Variants in SMYD5 observed in about 807,000 individuals in gnomAD.
SMYD5 encodes the protein SMYD family member 5.
Under a neutral mutation model 57.4 loss-of-function variants are expected in SMYD5, and 35 were observed. The ratio of observed to expected loss-of-function variants is 0.61; its 90% CI spans 0.47 to 0.81. The LOEUF (loss-of-function observed/expected upper bound fraction) is 0.81, where lower values mean the gene tolerates loss of function less well. Ranked by LOEUF, SMYD5 falls within the 30% of genes least tolerant of loss-of-function variation. The pLI is 0.00. For synonymous variants in SMYD5, 198 were observed against 189.7 expected (o/e 1.04, Z -0.36); for missense variants, 471 against 527.9 (o/e 0.89, Z 1.06).
In SMYD5 at chr2:73,219,871, C is replaced by T. The variant is rs942898936; in HGVS notation, c.206-180C>T. On this transcript the variant is annotated intron_variant, in intron 2 of 12. Coordinates refer to ENST00000389501, the MANE Select transcript of SMYD5 (RefSeq NM_006062.3). Reference sequence around the variant, plus strand: ...AGGGGATCATCTGCCTTGGGATGCACATGAAATAAATTCATTCATCCATTC... The same window carrying T: ...AGGGGATCATCTGCCTTGGGATGCATATGAAATAAATTCATTCATCCATTC... 1.0e-4 allele frequency: 82 copies of T among 783,074 alleles called. 2 individuals carry two copies. In the South Asian group the frequency reaches 1.2e-3, roughly 11 times the overall value. 48.5% of individuals were successfully genotyped at this position (783,074 alleles called of 1,614,324 possible).
chr2:73,217,760 C>T (rs1319031487), intron 1 of SMYD5, among the ~76,000 whole-genome samples: 2 of 152,088 alleles, frequency 1.3e-5, no homozygotes, highest in African/African-American at 4.8e-5. Context: ...GCATTTTTTT[C>T]CTCTCCTTTT....
chr2:73,226,075 AGAGGG>A lies in SMYD5; in HGVS notation c.*130_*134del. The A allele has an allele frequency of 7.9e-7, 1 of 1,258,730 alleles. No homozygotes were observed. Among genetic ancestry groups the A allele is most frequent in the Non-Finnish European group, 1.1e-6 (1 of 932,202 alleles). The allele number at this position is 1,258,730 out of a possible 1,614,324, so 78.0% of individuals were successfully genotyped here. ...TTTCCCCATTCCAGCCCTCTCTGCT[AGAGGG>A]TAGGAGAGAGCCTGGATCTCTGGCC... On this transcript the variant is annotated 3_prime_UTR_variant, in exon 13 of 13. Coordinates refer to ENST00000389501, the MANE Select transcript of SMYD5 (RefSeq NM_006062.3).
intron 10 of SMYD5, 32 bp downstream of exon 10, chr2:73,224,035 A>G: frequency 6.2e-7 from 1 of 1,608,036 alleles, no homozygotes; most frequent in Non-Finnish European, 8.5e-7. Flanking sequence ...GGATGGTCCC[A>G]GGCGCTTCTG....
chr2:73,217,242 G>A (rs1246161147), intron 1 of SMYD5, among the ~76,000 whole-genome samples: 1 of 152,090 alleles, frequency 6.6e-6, no homozygotes, highest in Non-Finnish European at 1.5e-5. Flanking sequence ...GAGCCACTGC[G>A]CCCGGCCCAA....
chr2:73,221,073 G>C (rs1686382983), intron 4 of SMYD5, 92 bp from the exon 5 acceptor site: 2 of 1,160,788 alleles, frequency 1.7e-6, no homozygotes, highest in Non-Finnish European at 2.6e-6. Flanking sequence ...GGAATTGGTA[G>C]GAAGTTTTCT....
intron 11 of SMYD5, 130 bp from the exon 12 acceptor site, chr2:73,225,501 T>C: frequency 2.4e-6 from 2 of 822,914 alleles, no homozygotes; most frequent in South Asian, 1.6e-5. Flanking sequence ...AGCCAGCCCC[T>C]TCACTGAAGG....
At chr2:73,221,785 G>C (rs186621083) in intron 5 of SMYD5, 41 bp from the exon 6 acceptor site, 112 of 1,391,640 alleles carry the variant, frequency 8.0e-5, no homozygotes, top group Non-Finnish European at 3.7e-5. Flanking sequence ...CCAGTGAGAA[G>C]GTGGGTATCT....
rs764264244 is a variant in SMYD5, at chr2:73,214,253, G to T, written c.-14G>T. On this transcript the variant is annotated 5_prime_UTR_variant, in exon 1 of 13. Coordinates refer to ENST00000389501, the MANE Select transcript of SMYD5 (RefSeq NM_006062.3). ...AGGCGGGGTTAAGGGTCATAAGGCG[G>T]AGGCGCGCCCAAGATGGCGGCCTCC... 1.2e-6 allele frequency: 2 copies of T among 1,613,558 alleles called. No individual in the cohort carries two copies. Among genetic ancestry groups the T allele is most frequent in the South Asian group, 2.2e-5 (2 of 91,052 alleles).
intron 6 of SMYD5, 57 bp downstream of exon 6, chr2:73,221,987 T>C (rs1448427907): frequency 9.2e-7 from 1 of 1,086,410 alleles, no homozygotes. Context: ...AGGATGTCTC[T>C]GGCCAGCTGT....
intron 1 of SMYD5, chr2:73,214,735 A>G: frequency 1.7e-5 from 23 of 1,332,410 alleles, no homozygotes; most frequent in Non-Finnish European, 2.2e-5. Flanking sequence ...CACGAACTTC[A>G]TGTGTGAGAT....
Position 73,223,876 on chromosome 2 carries a change from G to A in SMYD5, c.884-71G>A, listed in dbSNP as rs565037951. 2.6e-5 allele frequency: 37 copies of A among 1,418,898 alleles called. 1 individual carries two copies. In the African/African-American group the frequency reaches 3.4e-4, roughly 13 times the overall value. 87.9% of individuals were successfully genotyped at this position (1,418,898 alleles called of 1,614,324 possible). A position where few individuals can be genotyped will look rare whatever the true frequency, so the allele number is the denominator to read the frequency against. On this transcript the variant is annotated intron_variant, in intron 9 of 12. Transcript: ENST00000389501. Reference sequence around the variant, plus strand: ...AGGACAGTGGAGACAGTGCCTGTCCGTGTAAGCCTCGTTTCCTTTTCCTGC... The same window carrying A: ...AGGACAGTGGAGACAGTGCCTGTCCATGTAAGCCTCGTTTCCTTTTCCTGC...
intron 1 of SMYD5, among the ~76,000 whole-genome samples, chr2:73,217,598 G>A (rs1227953631): frequency 1.3e-5 from 2 of 152,182 alleles, no homozygotes; most frequent in Non-Finnish European, 2.9e-5. Flanking sequence ...TGTTTCACCT[G>A]TCCCACTCTA....
At position 73,226,147 on chromosome 2, in the gene SMYD5, GT is replaced by G. The variant is rs912906611; in HGVS notation, c.*203del. The G allele has an allele frequency of 1.1e-3, 755 of 696,688 alleles. 4 individuals carry two copies. The highest frequency in any genetic ancestry group is 1.2e-3 in the Non-Finnish European group (507 of 429,710). 43.2% of individuals were successfully genotyped at this position (696,688 alleles called of 1,614,324 possible). A position where few individuals can be genotyped will look rare whatever the true frequency, so the allele number is the denominator to read the frequency against. ...CTCATGCCCTGGACACTGCTGCTGA[GT>G]TGGCTCAGACTCTGCACTGGCACTG... is the stretch of plus-strand genomic sequence containing the variant. On this transcript the variant is annotated 3_prime_UTR_variant, in exon 13 of 13. Coordinates refer to ENST00000389501, the MANE Select transcript of SMYD5 (RefSeq NM_006062.3).
chr2:73,214,387 G>A (rs1179847321), intron 1 of SMYD5, 25 bp downstream of exon 1: 2 of 1,612,684 alleles, frequency 1.2e-6, no homozygotes, highest in Non-Finnish European at 1.7e-6. Flanking sequence ...GGTCCTGCCG[G>A]GAGCCTCTCC....
chr2:73,217,037 C>T (rs1219279224), intron 1 of SMYD5, among the ~76,000 whole-genome samples: 1 of 151,888 alleles, frequency 6.6e-6, no homozygotes, highest in Admixed American at 6.6e-5. Context: ...CTGCAACCTC[C>T]GCCTCCTGGG....
Position 73,224,959 on chromosome 2 carries a change from A to C in SMYD5, c.1034A>C (p.Glu345Ala). 10 of 1,612,832 alleles carry C rather than the reference A, an allele frequency of 6.2e-6. No homozygotes were observed. Among genetic ancestry groups the C allele is most frequent in the Non-Finnish European group, 8.5e-6 (10 of 1,179,192 alleles). ...GCTCTGGAGGATATTAAGCCAGGAG[A>C]GGTGAGGGGGACCAGGAACCGTCGG... ...VTALEDIKPGEEICISYLDCC... is the reference protein window; with the variant it reads ...VTALEDIKPGAEICISYLDCC... The change falls in exon 11 of 13, where the codon GAG becomes GCG. Residue 345 changes from glutamate to alanine, a missense_variant and splice_region_variant. Coordinates refer to ENST00000389501, the MANE Select transcript of SMYD5 (RefSeq NM_006062.3).
intron 2 of SMYD5, among the ~76,000 whole-genome samples, chr2:73,219,288 T>C (rs891684615): frequency 6.6e-6 from 1 of 152,162 alleles, no homozygotes; most frequent in African/African-American, 2.4e-5. Flanking sequence ...GGAGGCTACA[T>C]GGCCCTTGTT....
Position 73,214,284 on chromosome 2 carries a change from C to T in SMYD5, c.18C>T (p.Cys6=). The T allele has an allele frequency of 6.2e-7, 1 of 1,613,850 alleles. No individual in the cohort carries two copies. The highest frequency in any genetic ancestry group is 8.5e-7 in the Non-Finnish European group (1 of 1,179,904). Residue 6 remains cysteine (C), a synonymous_variant, in exon 1 of 13, where the codon TGC becomes TGT. Transcript: ENST00000389501. MAASM[C]DVFSFCVGVA... is the part of the protein sequence containing the mutation. ...CGCCCAAGATGGCGGCCTCCATGTGCGACGTGTTCTCCTTCTGCGTGGGCG... is the reference window on the plus strand; with the variant it reads ...CGCCCAAGATGGCGGCCTCCATGTGTGACGTGTTCTCCTTCTGCGTGGGCG...
chr2:73,217,478 G>C (rs534692912), intron 1 of SMYD5, among the ~76,000 whole-genome samples: 3 of 152,184 alleles, frequency 2.0e-5, no homozygotes, highest in Non-Finnish European at 1.5e-5. Flanking sequence ...GTGTCCCATA[G>C]AGGAAGGCCA....
Sources: allele counts gnomAD v4.1 joint callset (sites outside exome capture counted in the v4.1 genomes callset), GRCh38; gene constraint gnomAD v4.1.1; transcripts MANE v1.5; gene names NCBI Gene and HGNC (gene_info 2026-07-23, HGNC 2026-07-21).